The following FAM81B variants were observed in gnomAD, a reference collection of about 807,000 sequenced individuals.
FAM81B encodes the protein family with sequence similarity 81 member B.
In FAM81B, 60 loss-of-function variants were observed where a neutral mutation model predicts 58.7. That is an observed-to-expected ratio of 1.02 (90% CI 0.83 to 1.27). The LOEUF is 1.27. Ranked by LOEUF, FAM81B falls within the 50% of genes most tolerant of loss-of-function variation. The pLI, the probability that FAM81B is intolerant of heterozygous loss-of-function variation, is 0.00. For synonymous variants in FAM81B, 189 were observed against 179.6 expected, an observed-to-expected ratio of 1.05 and a Z score of -0.42; for missense variants, 491 against 522.0, an observed-to-expected ratio of 0.94 and a Z score of 0.58.
chr5:95,418,951 G>C (rs1270849249), intron 4 of FAM81B, among the ~76,000 whole-genome samples: 1 of 152,026 alleles, frequency 6.6e-6, no homozygotes, highest in Non-Finnish European at 1.5e-5. Flanking sequence ...ATTGCATATA[G>C]AGTATATTCC....
intron 3 of FAM81B, among the ~76,000 whole-genome samples, chr5:95,400,305 C>T (rs1762071955): frequency 6.6e-6 from 1 of 152,004 alleles, no homozygotes; most frequent in Non-Finnish European, 1.5e-5. Context: ...TTTTGGGAGT[C>T]CCTGGCACTC....
chr5:95,400,040 G>A (rs2152760852), intron 3 of FAM81B, among the ~76,000 whole-genome samples: 1 of 152,342 alleles, frequency 6.6e-6, no homozygotes. Flanking sequence ...CCACAGGGTA[G>A]TGGTGGGAAT....
chr5:95,434,198 G>A (rs544547900), intron 6 of FAM81B, among the ~76,000 whole-genome samples: 2 of 152,288 alleles, frequency 1.3e-5, no homozygotes, highest in South Asian at 2.1e-4. Context: ...AAATCGAGGT[G>A]TCTGCAGAGT....
intron 5 of FAM81B, among the ~76,000 whole-genome samples, chr5:95,426,112 AT>A (rs1561304861): frequency 7.4e-6 from 1 of 134,620 alleles, no homozygotes; most frequent in Non-Finnish European, 1.6e-5. Flanking sequence ...ATATATATAT[AT>A]ATATATATAT....
At chr5:95,400,912 T>A (rs1299915866) in intron 3 of FAM81B, among the ~76,000 whole-genome samples, 1 of 151,858 alleles carries the variant, frequency 6.6e-6, no homozygotes. Flanking sequence ...GAGACTCACA[T>A]TAAACACTCC....
At chr5:95,395,455 A>AG (rs1278169924) in intron 2 of FAM81B, among the ~76,000 whole-genome samples, 35 of 152,028 alleles carry the variant, frequency 2.3e-4, no homozygotes, top group South Asian at 2.1e-3. Flanking sequence ...AAAAAAAAAA[A>AG]AAAAAAGAAT....
intron 2 of FAM81B, among the ~76,000 whole-genome samples, chr5:95,394,989 A>T (rs1277101724): frequency 1.3e-5 from 2 of 152,180 alleles, no homozygotes; most frequent in African/African-American, 4.8e-5. Context: ...CAGTAACATA[A>T]AGCAAGAAAA....
At chr5:95,401,563 A>C (rs1762113117) in intron 3 of FAM81B, among the ~76,000 whole-genome samples, 1 of 152,078 alleles carries the variant, frequency 6.6e-6, no homozygotes, top group Non-Finnish European at 1.5e-5. Context: ...GAGGCATCAA[A>C]ATATTCTCTG....
At chr5:95,435,606 G>A (rs985724307) in intron 6 of FAM81B, among the ~76,000 whole-genome samples, 2 of 152,024 alleles carry the variant, frequency 1.3e-5, no homozygotes, top group African/African-American at 4.8e-5. Context: ...AATCATTAAT[G>A]TATTGTCTCT....
At position 95,420,412 on chromosome 5, in the gene FAM81B, A is replaced by C; in HGVS notation, c.656+10A>C. The C allele has an allele frequency of 6.2e-7, 1 of 1,613,410 alleles. No homozygotes were observed. The highest frequency in any genetic ancestry group is 1.7e-5 in the Admixed American group (1 of 59,990). On this transcript the variant is annotated intron_variant, in intron 5 of 9. Transcript: ENST00000283357. ...GAGGAAGAGTAGCCAGGTGAGAAGA[A>C]GCATGTTGACTAATGTTTAACAGTG...
chr5:95,425,707 C>G (rs996897042), intron 5 of FAM81B, among the ~76,000 whole-genome samples: 1 of 152,124 alleles, frequency 6.6e-6, no homozygotes, highest in Non-Finnish European at 1.5e-5. Context: ...CATAGACATT[C>G]TAGTGACAGA....
intron 7 of FAM81B, chr5:95,440,794 C>T (rs1208087102): frequency 3.6e-6 from 1 of 274,634 alleles, no homozygotes; most frequent in Non-Finnish European, 7.2e-6. Flanking sequence ...GGAGGAATCC[C>T]AGAAAAGTGA....
chr5:95,424,952 A>G lies in FAM81B; in HGVS notation c.657-3651A>G, dbSNP rs74459536. ...AGATGAAAGAAAAAGTCAAGATACT[A>G]TGAAGATTAATCTACTTTAGAAGCT... On this transcript the variant is annotated intron_variant, in intron 5 of 9. Coordinates refer to ENST00000283357, the MANE Select transcript of FAM81B (RefSeq NM_152548.3). 8.6e-3 allele frequency among the ~76,000 whole-genome samples: 1,316 copies of G among 152,312 alleles called. 18 individuals are homozygous for G. The highest frequency in any genetic ancestry group is 0.03 in the African/African-American group (1,261 of 41,588).
intron 7 of FAM81B, among the ~76,000 whole-genome samples, chr5:95,444,968 CA>C (rs1745499425): frequency 6.6e-6 from 1 of 152,074 alleles, no homozygotes; most frequent in Non-Finnish European, 1.5e-5. Context: ...TCAGTTGTGA[CA>C]ACCAAAATTG....
At chr5:95,410,494 C>T (rs754529398) in intron 3 of FAM81B, among the ~76,000 whole-genome samples, 7 of 152,174 alleles carry the variant, frequency 4.6e-5, no homozygotes, top group Non-Finnish European at 1.0e-4. Context: ...TTTTCACTTC[C>T]AAGAAAATCT....
At chr5:95,395,010 G>A (rs1372246719) in intron 2 of FAM81B, among the ~76,000 whole-genome samples, 2 of 152,020 alleles carry the variant, frequency 1.3e-5, no homozygotes. Context: ...AATATCCTAG[G>A]AATATATTTT....
chr5:95,426,675 T>G (rs140049073), intron 5 of FAM81B, among the ~76,000 whole-genome samples: 1 of 152,184 alleles, frequency 6.6e-6, no homozygotes, highest in Non-Finnish European at 1.5e-5. Flanking sequence ...GGTAGACAAG[T>G]TGTACAACTG....
chr5:95,448,109 G>C (rs1326433342), intron 8 of FAM81B, among the ~76,000 whole-genome samples, 160 bp from the exon 9 acceptor site: 1 of 152,132 alleles, frequency 6.6e-6, no homozygotes, highest in East Asian at 1.9e-4. Context: ...GGGCCAAAGG[G>C]ATTAACTCTT....
intron 3 of FAM81B, among the ~76,000 whole-genome samples, chr5:95,411,053 C>T (rs1762391557): frequency 6.6e-6 from 1 of 152,148 alleles, no homozygotes; most frequent in Non-Finnish European, 1.5e-5. Flanking sequence ...AAACCTCTCA[C>T]TCAGTTATAT....
Sources: allele counts gnomAD v4.1 joint callset (sites outside exome capture counted in the v4.1 genomes callset), GRCh38; gene constraint gnomAD v4.1.1; transcripts MANE v1.5; gene names NCBI Gene and HGNC (gene_info 2026-07-23, HGNC 2026-07-21).